NIPSNAP3A: variants seen among roughly 807,000 people sequenced by gnomAD.
The protein encoded by NIPSNAP3A is nipsnap homolog 3A, also known as protein NipSnap homolog 3A.
Under a neutral mutation model 32.3 loss-of-function variants are expected in NIPSNAP3A, and 27 were observed. That is an observed-to-expected ratio of 0.84 (90% confidence interval 0.62 to 1.15). NIPSNAP3A has a LOEUF of 1.15. Ranked by LOEUF, NIPSNAP3A falls within the 50% of genes most tolerant of loss-of-function variation. The pLI is 0.00. For synonymous variants in NIPSNAP3A, 108 were observed against 107.3 expected (o/e 1.01, Z -0.04); for missense variants, 278 against 297.2 (o/e 0.94, Z 0.48).
Position 104,747,701 on chromosome 9 carries a change from A to G in NIPSNAP3A, c.-92A>G. On this transcript the variant is annotated 5_prime_UTR_variant, in exon 1 of 6. Transcript: ENST00000374767. ...CCGCCCCAGCCTGCGTCTGCCAATG[A>G]TCCAGGAGCCGCTCCTTTCCACTCG... 3.7e-6 allele frequency: 5 copies of G among 1,344,478 alleles called. No homozygotes were observed. Among genetic ancestry groups the G allele is most frequent in the Non-Finnish European group, 5.2e-6 (5 of 961,434 alleles). 83.3% of individuals were successfully genotyped at this position (1,344,478 alleles called of 1,614,324 possible). A position where few individuals can be genotyped will look rare whatever the true frequency, so the allele number is the denominator to read the frequency against.
At chr9:104,749,719 A>C (rs1463734941) in intron 1 of NIPSNAP3A, among the ~76,000 whole-genome samples, 1 of 152,198 alleles carries the variant, frequency 6.6e-6, no homozygotes, top group African/African-American at 2.4e-5. Flanking sequence ...ATACCTACAT[A>C]GAGGATAATC....
At chr9:104,749,767 C>T (rs1024460230) in intron 1 of NIPSNAP3A, among the ~76,000 whole-genome samples, 7 of 152,134 alleles carry the variant, frequency 4.6e-5, no homozygotes, top group Non-Finnish European at 7.4e-5. Context: ...TCAACCAGAA[C>T]ACAAATTAGA....
chr9:104,748,357 C>A (rs1034714580), intron 1 of NIPSNAP3A, among the ~76,000 whole-genome samples: 2 of 152,270 alleles, frequency 1.3e-5, no homozygotes, highest in Middle Eastern at 3.4e-3. Flanking sequence ...CACACAACTT[C>A]CGAGCATTTC....
In NIPSNAP3A at chr9:104,753,026, T is replaced by G. The variant is rs1412287017; in HGVS notation, c.392T>G (p.Leu131Arg). 6.2e-7 allele frequency: 1 copy of G among 1,613,638 alleles called. No homozygotes were observed. Among genetic ancestry groups the G allele is most frequent in the South Asian group, 1.1e-5 (1 of 91,072 alleles). Residue 131 changes from leucine to arginine, a missense_variant, in exon 3 of 6, where the codon CTG (leucine) becomes CGG (arginine). By Grantham distance (102) the Leu-to-Arg change is moderately radical (BLOSUM62 -2). Coordinates refer to ENST00000374767, the MANE Select transcript of NIPSNAP3A (RefSeq NM_015469.3). The part of the protein sequence containing the change: ...IDKQESEITY[L>R]VPWCKLEKPP... ...AAACAAGAGAGTGAGATTACTTATC[T>G]GGTACCATGGTGCAAATTAGAAAAA...
chr9:104,757,287 T>G (rs1337214668), intron 4 of NIPSNAP3A, among the ~76,000 whole-genome samples: 1 of 152,154 alleles, frequency 6.6e-6, no homozygotes, highest in Non-Finnish European at 1.5e-5. Context: ...GACATGCTCT[T>G]TGGTTCTGTC....
chr9:104,748,482 C>A (rs540800195), intron 1 of NIPSNAP3A, among the ~76,000 whole-genome samples: 130 of 152,310 alleles, frequency 8.5e-4, no homozygotes, highest in African/African-American at 3.1e-3. Context: ...CCTATCAAAC[C>A]GGACGATGAC....
chr9:104,748,263 C>T (rs115644025), intron 1 of NIPSNAP3A, among the ~76,000 whole-genome samples: 273 of 152,346 alleles, frequency 1.8e-3, no homozygotes, highest in Non-Finnish European at 2.0e-3. Flanking sequence ...TTCCAAGCCA[C>T]CGCCCTCTCT....
chr9:104,755,875 A>T lies in NIPSNAP3A; in HGVS notation c.580+1175A>T, dbSNP rs188083614. Among the ~76,000 whole-genome samples the T allele has an allele frequency of 2.0e-5, 3 of 152,120 alleles. No individual in the cohort carries two copies. The East Asian group carries it at 5.8e-4, about 29-fold the overall frequency. On this transcript the variant is annotated intron_variant, in intron 4 of 5. Coordinates refer to ENST00000374767, the MANE Select transcript of NIPSNAP3A (RefSeq NM_015469.3). ...CAAGGCTACAGTAAGCTATGATTGC[A>T]CCACTGCACTCCAACCCCTGAACGA... is the stretch of plus-strand genomic sequence containing the variant.
chr9:104,748,687 C>T (rs1467188137), intron 1 of NIPSNAP3A, among the ~76,000 whole-genome samples: 1 of 152,128 alleles, frequency 6.6e-6, no homozygotes, highest in Non-Finnish European at 1.5e-5. Context: ...CTGAGGAGCA[C>T]TAAAGAAGAG....
At chr9:104,758,885 G>A (rs560483102) in intron 4 of NIPSNAP3A, among the ~76,000 whole-genome samples, 200 bp from the exon 5 acceptor site, 38 of 145,852 alleles carry the variant, frequency 2.6e-4, no homozygotes, top group Non-Finnish European at 4.9e-4. Flanking sequence ...CAGGAGAATC[G>A]CTTGAACCCA....
At chr9:104,749,734 G>T (rs1827823514) in intron 1 of NIPSNAP3A, among the ~76,000 whole-genome samples, 1 of 152,120 alleles carries the variant, frequency 6.6e-6, no homozygotes, top group African/African-American at 2.4e-5. Context: ...ATAATCTTAG[G>T]CGAGGTATTT....
rs1317845129 is a variant in NIPSNAP3A, at chr9:104,747,846, G to A, written c.54G>A (p.Ala18=). The A allele has an allele frequency of 1.2e-6, 2 of 1,607,628 alleles. No homozygotes were observed. The highest frequency in any genetic ancestry group is 1.3e-5 in the African/African-American group (1 of 74,796). The stretch of plus-strand genomic sequence containing the variant: ...GGGCGCTGGCCTCACGGACGCTGGC[G>A]CCTCAGGTACCGGCCACGGGGGTAC... The part of the protein sequence containing the change: ...LTRALASRTL[A]PQMCSSFATG... The change falls in exon 1 of 6, where the codon GCG becomes GCA. Residue 18 remains alanine, a synonymous_variant. Transcript: ENST00000374767.
chr9:104,754,679 G>C lies in NIPSNAP3A; in HGVS notation c.559G>C (p.Glu187Gln), dbSNP rs200453174. Reference sequence around the variant, plus strand: ...AAAACTAGTTGGAGTGTTCCACACAGAGTACGGAGCACTCAACAGAGGTAC... The same window carrying C: ...AAAACTAGTTGGAGTGTTCCACACACAGTACGGAGCACTCAACAGAGGTAC... ...YTKLVGVFHT[E>Q]YGALNRVHVL... Residue 187 changes from glutamate (E) to glutamine (Q), a missense_variant, in exon 4 of 6, where the codon GAG (glutamate) becomes CAG (glutamine). Transcript: ENST00000374767. 8 of 1,613,676 alleles carry C rather than the reference G, an allele frequency of 5.0e-6. No individual in the cohort carries two copies. The highest frequency in any genetic ancestry group is 6.8e-6 in the Non-Finnish European group (8 of 1,179,708).
intron 1 of NIPSNAP3A, among the ~76,000 whole-genome samples, chr9:104,748,142 C>G (rs1371794069): frequency 6.6e-6 from 1 of 152,188 alleles, no homozygotes; most frequent in African/African-American, 2.4e-5. Flanking sequence ...CGGGACACTC[C>G]CATGGCGCCG....
At chr9:104,756,747 A>G (rs527796791) in intron 4 of NIPSNAP3A, among the ~76,000 whole-genome samples, 2 of 152,152 alleles carry the variant, frequency 1.3e-5, no homozygotes, top group African/African-American at 4.8e-5. Flanking sequence ...AAGAAATTTG[A>G]AAGTATATAA....
At chr9:104,749,013 C>A (rs961671517) in intron 1 of NIPSNAP3A, among the ~76,000 whole-genome samples, 4 of 152,154 alleles carry the variant, frequency 2.6e-5, no homozygotes, top group Non-Finnish European at 4.4e-5. Context: ...TTCTCTGGCA[C>A]CACCTGTCCA....
chr9:104,747,864 G>T lies in NIPSNAP3A; in HGVS notation c.60+12G>T, dbSNP rs3753024. 283 of 1,604,572 alleles carry T rather than the reference G, an allele frequency of 1.8e-4. No individual in the cohort carries two copies. Among genetic ancestry groups the T allele is most frequent in the African/African-American group, 5.8e-4 (43 of 74,660 alleles). ...CGCTGGCGCCTCAGGTACCGGCCAC[G>T]GGGGTACCCAAGCCTTCACCCGACG... On this transcript the variant is annotated intron_variant, in intron 1 of 5. Coordinates refer to ENST00000374767, the MANE Select transcript of NIPSNAP3A (RefSeq NM_015469.3).
At chr9:104,749,040 T>C (rs1323296624) in intron 1 of NIPSNAP3A, among the ~76,000 whole-genome samples, 1 of 152,186 alleles carries the variant, frequency 6.6e-6, no homozygotes, top group Non-Finnish European at 1.5e-5. Context: ...TCTCCCTCTC[T>C]CACTGTAGGT....
At chr9:104,759,205 G>T (rs1827943717) in intron 5 of NIPSNAP3A, 34 bp downstream of exon 5, 1 of 1,613,764 alleles carries the variant, frequency 6.2e-7, no homozygotes, top group Non-Finnish European at 8.5e-7. Flanking sequence ...ATTATTTTTA[G>T]AACAAATGTG....
Sources: gnomAD v4.1 joint callset for allele counts (sites outside exome capture counted in the v4.1 genomes callset) on GRCh38, gnomAD v4.1.1 for gene constraint, MANE v1.5 for transcripts, NCBI Gene and HGNC (gene_info 2026-07-23, HGNC 2026-07-21) for gene names.